Variants in TMEM130 observed in about 807,000 individuals in gnomAD.
TMEM130 encodes transmembrane protein 130.
A neutral mutation model predicts 42.9 loss-of-function variants in TMEM130; 37 were observed. The observed-to-expected ratio is 0.86, with a 90% CI of 0.66 to 1.13. The LOEUF (loss-of-function observed/expected upper bound fraction) is 1.13, where lower values mean the gene tolerates loss of function less well. Among genes scored for constraint, TMEM130 ranks in the 50% most tolerant of loss-of-function variants. The probability of loss-of-function intolerance (pLI) is 0.00; values close to 1 mark genes in which losing one functional copy is unlikely to be tolerated. For missense variants in TMEM130, 545 were observed against 562.6 expected, an observed-to-expected ratio of 0.97 and a Z score of 0.32; for synonymous variants, 259 against 237.7, an observed-to-expected ratio of 1.09 and a Z score of -0.82.
rs1489189633 is a variant in TMEM130, at chr7:98,869,186, C to T, written c.85+591G>A. The T allele has an allele frequency of 2.0e-5, 26 of 1,286,642 alleles. No individual in the cohort carries two copies. The highest frequency in any genetic ancestry group is 3.0e-5 in the African/African-American group (2 of 65,638). 79.7% of individuals were successfully genotyped at this position (1,286,642 alleles called of 1,614,324 possible). On this transcript the variant is annotated intron_variant, in intron 1 of 7. Transcript: ENST00000339375. The surrounding 1 kb of genome is among the most constrained non-coding windows in gnomAD (Gnocchi z 4.7). ...GACACACAACCCTGCTTCCCCCACT[C>T]CCCCACCCACACACACACCCCAGGA...
chr7:98,852,233 C>T (rs1794526849), intron 5 of TMEM130, among the ~76,000 whole-genome samples: 2 of 151,776 alleles, frequency 1.3e-5, no homozygotes, highest in African/African-American at 2.4e-5. Flanking sequence ...CTTCACCTCC[C>T]GGGTTCGAGC....
chr7:98,864,809 G>A (rs1218814437), intron 1 of TMEM130, among the ~76,000 whole-genome samples: 1 of 152,072 alleles, frequency 6.6e-6, no homozygotes, highest in African/African-American at 2.4e-5. Context: ...CTGAGGCAGG[G>A]GAATCGCTGG....
chr7:98,861,332 C>T (rs1170654629), intron 2 of TMEM130, among the ~76,000 whole-genome samples: 2 of 151,152 alleles, frequency 1.3e-5, no homozygotes, highest in African/African-American at 2.4e-5. Context: ...AGCAAGACTC[C>T]GTCTCAAAAA....
At chr7:98,861,791 T>C (rs1794777195) in intron 2 of TMEM130, among the ~76,000 whole-genome samples, 1 of 152,150 alleles carries the variant, frequency 6.6e-6, no homozygotes, top group Non-Finnish European at 1.5e-5. Context: ...ATTTGGAAAA[T>C]GTTCAAACAT....
chr7:98,869,824 A>G lies in TMEM130; in HGVS notation c.38T>C (p.Leu13Pro). 1 of 1,448,606 alleles carries G rather than the reference A, an allele frequency of 6.9e-7. No individual in the cohort carries two copies. Among genetic ancestry groups the G allele is most frequent in the Non-Finnish European group, 9.1e-7 (1 of 1,102,010 alleles). The allele number at this position is 1,448,606 out of a possible 1,614,324, so 89.7% of individuals were successfully genotyped here. A position where few individuals can be genotyped will look rare whatever the true frequency, so the allele number is the denominator to read the frequency against. ...QAVWSRLGRI[L>P]WLACLLPWAP... The stretch of plus-strand genomic sequence containing the variant: ...CCAGGGCAGGAGGCAGGCAAGCCAG[A>G]GGATGCGGCCGAGGCGCGACCACAC... Residue 13 changes from leucine to proline, a missense_variant, in exon 1 of 8, where the codon CTC becomes CCC. Transcript: ENST00000339375. This position sits in a 1 kb window ranked among gnomAD's most constrained non-coding sequence, Gnocchi z 4.7.
intron 7 of TMEM130, 96 bp from the exon 8 acceptor site, chr7:98,848,304 C>A (rs1313637822): frequency 1.1e-5 from 16 of 1,474,456 alleles, no homozygotes; most frequent in Non-Finnish European, 1.4e-5. Flanking sequence ...CATCAGGTGG[C>A]CTTATGAGCT....
At position 98,869,302 on chromosome 7, in the gene TMEM130, G is replaced by C; in HGVS notation, c.85+475C>G. 7.8e-7 allele frequency: 1 copy of C among 1,284,760 alleles called. No individual in the cohort carries two copies. 79.6% of individuals were successfully genotyped at this position (1,284,760 alleles called of 1,614,324 possible). A position where few individuals can be genotyped will look rare whatever the true frequency, so the allele number is the denominator to read the frequency against. On this transcript the variant is annotated intron_variant, in intron 1 of 7. Transcript: ENST00000339375. The surrounding 1 kb of genome is among the most constrained non-coding windows in gnomAD (Gnocchi z 4.7). Reference sequence around the variant, plus strand: ...GGCTCTAAATTCGCATCTCCCCAAAGCCAGCACCAACACGGTGGGAAACCC... The same window carrying C: ...GGCTCTAAATTCGCATCTCCCCAAACCCAGCACCAACACGGTGGGAAACCC...
chr7:98,851,698 C>A, intron 5 of TMEM130, 75 bp from the exon 6 acceptor site: 3 of 1,375,486 alleles, frequency 2.2e-6, no homozygotes, highest in Non-Finnish European at 2.9e-6. Flanking sequence ...CCAAGACAGG[C>A]CAGGTGGGCA....
At position 98,860,160 on chromosome 7, in the gene TMEM130, C is replaced by T. The variant is rs1794731051; in HGVS notation, c.551+19G>A. On this transcript the variant is annotated intron_variant, in intron 3 of 7. Transcript: ENST00000339375. ...GCACCAGTGACAGCTGTAGGGCCTGCAGAGGGGTAAGGACCTACCCGTCCC... is the reference window on the plus strand; with the variant it reads ...GCACCAGTGACAGCTGTAGGGCCTGTAGAGGGGTAAGGACCTACCCGTCCC... 1.9e-6 allele frequency: 3 copies of T among 1,606,850 alleles called. No homozygotes were observed. The highest frequency in any genetic ancestry group is 4.5e-5 in the East Asian group (2 of 44,846).
At chr7:98,855,772 A>G (rs1333787670) in intron 4 of TMEM130, among the ~76,000 whole-genome samples, 2 of 152,182 alleles carry the variant, frequency 1.3e-5, no homozygotes, top group Non-Finnish European at 2.9e-5. Flanking sequence ...ACACCTGGTC[A>G]CCGGCTCAGG....
chr7:98,858,268 C>T (rs923501914), intron 3 of TMEM130, among the ~76,000 whole-genome samples: 1 of 152,008 alleles, frequency 6.6e-6, no homozygotes, highest in Non-Finnish European at 1.5e-5. Context: ...TGGCCAGGCA[C>T]GGTGGCTCAC....
chr7:98,866,777 T>G (rs896456582), intron 1 of TMEM130: 2 of 152,160 alleles, frequency 1.3e-5, no homozygotes, highest in Non-Finnish European at 1.5e-5. Flanking sequence ...CGTATTTCCT[T>G]TTTTTTCAGA....
intron 2 of TMEM130, among the ~76,000 whole-genome samples, chr7:98,862,272 G>C (rs185596906): frequency 9.7e-5 from 14 of 145,054 alleles, no homozygotes; most frequent in East Asian, 4.2e-4. Context: ...GAGATAAAGA[G>C]ACAGAGACAA....
chr7:98,867,767 C>T (rs2116145122), intron 1 of TMEM130, among the ~76,000 whole-genome samples: 1 of 152,290 alleles, frequency 6.6e-6, no homozygotes, highest in East Asian at 1.9e-4. Flanking sequence ...CACTTTTTCT[C>T]AGTCTGTTTT....
rs368941843 is a variant in TMEM130, at chr7:98,848,039, G to T, written c.*17C>A. The T allele has an allele frequency of 2.1e-5, 33 of 1,607,442 alleles. No individual in the cohort carries two copies. In the African/African-American group the frequency reaches 3.3e-4, roughly 16 times the overall value. ...AGCAGTCAGTTAACACTGAGATGGG[G>T]TGGGGAGGGGGAGTGCTCACACGGT... is the stretch of plus-strand genomic sequence containing the variant. On this transcript the variant is annotated 3_prime_UTR_variant, in exon 8 of 8. Transcript: ENST00000339375.
rs1203471885 is a variant in TMEM130 at position 98,863,242 on chromosome 7, T to C, written c.244A>G (p.Thr82Ala). Residue 82 changes from threonine to alanine, a missense_variant, in exon 2 of 8, where the codon ACT (threonine) becomes GCT (alanine). Coordinates refer to ENST00000339375, the MANE Select transcript of TMEM130 (RefSeq NM_152913.3). The stretch of plus-strand genomic sequence containing the variant: ...CTGAGACCCTTCTCCATCTTGCCAG[T>C]AAGCACCAGCGGGGTGTGGATCCAG... ...FHWIHTPLVL[T>A]GKMEKGLSST... 2 of 1,613,946 alleles carry C rather than the reference T, an allele frequency of 1.2e-6. No homozygotes were observed. The highest frequency in any genetic ancestry group is 1.3e-5 in the African/African-American group (1 of 74,930).
At chr7:98,860,068 C>CA (rs113732793) in intron 3 of TMEM130, 111 bp downstream of exon 3, 240,278 of 816,370 alleles carry the variant, frequency 0.29, 7,707 homozygotes, top group African/African-American at 0.52. Flanking sequence ...GACTGCATCT[C>CA]AAAAAAAAAA....
At chr7:98,851,854 G>A (rs530527027) in intron 5 of TMEM130, among the ~76,000 whole-genome samples, 25 of 152,198 alleles carry the variant, frequency 1.6e-4, no homozygotes, top group African/African-American at 4.8e-4. Context: ...ACAGAGATAC[G>A]CATAGACTGC....
At chr7:98,855,884 G>T in intron 4 of TMEM130, 133 bp downstream of exon 4, 1 of 1,070,118 alleles carries the variant, frequency 9.3e-7, no homozygotes. Context: ...CAGGGTTAAT[G>T]ATAGACGCTC....
Sources: gnomAD v4.1 joint callset for allele counts (sites outside exome capture counted in the v4.1 genomes callset) on GRCh38, gnomAD v4.1.1 for gene constraint, Gnocchi (gnomAD v3.1) non-coding constraint, MANE v1.5 for transcripts, NCBI Gene and HGNC (gene_info 2026-07-23, HGNC 2026-07-21) for gene names.